Variants in FAM135B observed in about 807,000 individuals in gnomAD.
FAM135B encodes family with sequence similarity 135 member B.
A neutral mutation model predicts 127.7 loss-of-function variants in FAM135B; 43 were observed. The ratio of observed to expected loss-of-function variants is 0.34; its 90% confidence interval spans 0.26 to 0.43. The LOEUF (loss-of-function observed/expected upper bound fraction) is 0.43. Ranked by LOEUF, FAM135B falls within the 20% of genes least tolerant of loss-of-function variation. The pLI is 1.00. For missense variants in FAM135B, 1,558 were observed against 1,725.6 expected (o/e 0.90, Z 1.72); for synonymous variants, 670 against 665.1 (o/e 1.01, Z -0.11).
chr8:138,256,580 T>A, intron 5 of FAM135B, 109 bp downstream of exon 5: 1 of 879,478 alleles, frequency 1.1e-6, no homozygotes, highest in Non-Finnish European at 1.8e-6. Flanking sequence ...CAGGAGATGC[T>A]GATCTGAGAG....
chr8:138,301,793 C>T (rs906774746), intron 3 of FAM135B, among the ~76,000 whole-genome samples: 3 of 152,200 alleles, frequency 2.0e-5, no homozygotes, highest in Non-Finnish European at 1.5e-5. Context: ...CAAATAGATG[C>T]ACACAATTTT....
At chr8:138,310,756 T>C in intron 3 of FAM135B, 85 bp downstream of exon 3, 3 of 1,244,804 alleles carry the variant, frequency 2.4e-6, no homozygotes, top group Non-Finnish European at 3.5e-6. Context: ...TCTACATGCC[T>C]TGCACTCTGC....
intron 1 of FAM135B, among the ~76,000 whole-genome samples, chr8:138,446,550 G>A (rs553770081): frequency 2.0e-5 from 3 of 152,254 alleles, no homozygotes; most frequent in Non-Finnish European, 2.9e-5. Context: ...AACAAGCAAT[G>A]GGGAAAGGAT....
At chr8:138,369,106 A>G (rs1830953753) in intron 1 of FAM135B, among the ~76,000 whole-genome samples, 1 of 152,214 alleles carries the variant, frequency 6.6e-6, no homozygotes, top group African/African-American at 2.4e-5. Context: ...TACTACCACA[A>G]ACAACAGGGA....
intron 7 of FAM135B, among the ~76,000 whole-genome samples, chr8:138,228,176 G>C (rs1324392757): frequency 2.0e-5 from 3 of 152,126 alleles, no homozygotes; most frequent in African/African-American, 7.2e-5. Context: ...CTACGTGTTT[G>C]ACTCCCAAGT....
At chr8:138,268,482 C>T (rs1586927087) in intron 3 of FAM135B, among the ~76,000 whole-genome samples, 1 of 152,134 alleles carries the variant, frequency 6.6e-6, no homozygotes. Context: ...CTCCTCACCA[C>T]TGTTAAATAG....
In FAM135B at chr8:138,360,347, G is replaced by A. The variant is rs1830343669; in HGVS notation, c.77+7560C>T. ...TATGTAATGAGTTTTATAATTAATT[G>A]TTCACTTAGAAAGTATTTCCTTGGG... On this transcript the variant is annotated intron_variant, in intron 2 of 19. Transcript: ENST00000395297. Among the ~76,000 whole-genome samples, 3 of 152,156 alleles carry A rather than the reference G, an allele frequency of 2.0e-5. No homozygotes were observed. In the South Asian group the frequency reaches 6.2e-4, roughly 32 times the overall value.
chr8:138,258,027 C>T (rs10283182), intron 4 of FAM135B, among the ~76,000 whole-genome samples: 80,166 of 151,998 alleles, frequency 0.53, 22,814 homozygotes, highest in East Asian at 0.73. Context: ...TTCACTGACA[C>T]GCATTTGGCC....
chr8:138,233,993 C>T (rs944993481), intron 7 of FAM135B, among the ~76,000 whole-genome samples: 6 of 152,142 alleles, frequency 3.9e-5, no homozygotes, highest in African/African-American at 1.4e-4. Flanking sequence ...TATCAATTCA[C>T]ACCTCATTGT....
intron 1 of FAM135B, among the ~76,000 whole-genome samples, chr8:138,468,041 C>A (rs74733477): frequency 6.6e-6 from 1 of 151,966 alleles, no homozygotes; most frequent in Non-Finnish European, 1.5e-5. Flanking sequence ...GGCATTCATG[C>A]GCTGATAAAG....
chr8:138,261,306 T>A (rs1822520378), intron 4 of FAM135B, among the ~76,000 whole-genome samples: 1 of 152,192 alleles, frequency 6.6e-6, no homozygotes, highest in African/African-American at 2.4e-5. Context: ...TTTTTAAGCC[T>A]ACGAAAATGC....
At chr8:138,445,509 C>T (rs1258352383) in intron 1 of FAM135B, among the ~76,000 whole-genome samples, 1 of 152,116 alleles carries the variant, frequency 6.6e-6, no homozygotes, top group Non-Finnish European at 1.5e-5. Flanking sequence ...ATATGCAAAT[C>T]CATAAATGTA....
At position 138,147,950 on chromosome 8, in the gene FAM135B, C is replaced by A. The variant is rs538913481; in HGVS notation, c.3448+570G>T. ...TGTTCCTGCAAATCCCAGAACCTAG[C>A]AAAGTCCCTGGTATACAAAAGGTAT... On this transcript the variant is annotated intron_variant, in intron 14 of 19. Coordinates refer to ENST00000395297, the MANE Select transcript of FAM135B (RefSeq NM_015912.4). 7.2e-5 allele frequency among the ~76,000 whole-genome samples: 11 copies of A among 152,250 alleles called. No individual in the cohort carries two copies. In the East Asian group the frequency reaches 1.9e-3, roughly 27 times the overall value.
At chr8:138,226,184 T>TGTGTGCGCGCGCGC in intron 7 of FAM135B, among the ~76,000 whole-genome samples, 17 of 139,290 alleles carry the variant, frequency 1.2e-4, no homozygotes, top group African/African-American at 4.0e-4. Flanking sequence ...TGTGTGTGTG[T>TGTGTGCGCGCGCGC]GCGCGCATGT....
At chr8:138,412,149 T>TC (rs1833904960) in intron 1 of FAM135B, among the ~76,000 whole-genome samples, 1 of 152,132 alleles carries the variant, frequency 6.6e-6, no homozygotes, top group African/African-American at 2.4e-5. Context: ...ATCATTTGTA[T>TC]CCCCAGCCTC....
At chr8:138,203,241 A>G (rs190597284) in intron 7 of FAM135B, among the ~76,000 whole-genome samples, 3 of 152,186 alleles carry the variant, frequency 2.0e-5, no homozygotes, top group Admixed American at 2.0e-4. Context: ...TCTATTGTCT[A>G]AACTTCTGAT....
At chr8:138,315,324 T>C (rs571424157) in intron 2 of FAM135B, among the ~76,000 whole-genome samples, 6 of 152,274 alleles carry the variant, frequency 3.9e-5, no homozygotes, top group African/African-American at 1.4e-4. Context: ...ATAACCAGTG[T>C]TGATGAGAAT....
intron 9 of FAM135B, among the ~76,000 whole-genome samples, chr8:138,191,374 A>G (rs1222151206): frequency 6.6e-6 from 1 of 152,228 alleles, no homozygotes; most frequent in African/African-American, 2.4e-5. Flanking sequence ...GAACATATTG[A>G]GTCCAAGCTC....
At chr8:138,410,826 G>A (rs531963375) in intron 1 of FAM135B, among the ~76,000 whole-genome samples, 11 of 152,230 alleles carry the variant, frequency 7.2e-5, no homozygotes, top group African/African-American at 1.9e-4. Context: ...AAAAACATAC[G>A]TGTACTTATA....
Sources: gnomAD v4.1 joint callset for allele counts (sites outside exome capture counted in the v4.1 genomes callset) on GRCh38, gnomAD v4.1.1 for gene constraint, MANE v1.5 for transcripts, NCBI Gene and HGNC (gene_info 2026-07-23, HGNC 2026-07-21) for gene names.